Variants in LOC128706666 observed in about 807,000 individuals in gnomAD.
the LOC128706666 span, among the ~76,000 whole-genome samples, chr20:10,429,307 G>C: frequency 6.6e-6 from 1 of 152,012 alleles, no homozygotes; most frequent in African/African-American, 2.4e-5. Flanking sequence ...TTCCTTCTTA[G>C]TCTCCTTTAA....
chr20:10,419,607 A>G, the LOC128706666 span, among the ~76,000 whole-genome samples: 4 of 152,192 alleles, frequency 2.6e-5, no homozygotes, highest in African/African-American at 7.2e-5. Flanking sequence ...GATAAAGTTC[A>G]ATTTATAAAT....
At chr20:10,433,589 T>C in the LOC128706666 span, among the ~76,000 whole-genome samples, 16 of 152,274 alleles carry the variant, frequency 1.1e-4, no homozygotes, top group Non-Finnish European at 1.8e-4. Context: ...AGCATGACCT[T>C]AGAGGGTCAT....
At chr20:10,416,678 C>T in the LOC128706666 span, among the ~76,000 whole-genome samples, 6 of 152,238 alleles carry the variant, frequency 3.9e-5, no homozygotes, top group South Asian at 6.2e-4. Context: ...GAATAGTTGA[C>T]GATGGAAAGT....
chr20:10,427,295 G>A, the LOC128706666 span, among the ~76,000 whole-genome samples: 1 of 152,152 alleles, frequency 6.6e-6, no homozygotes, highest in African/African-American at 2.4e-5. Context: ...GGCGCCATCT[G>A]CTGGCCTTTT....
At chr20:10,427,712 T>C in the LOC128706666 span, among the ~76,000 whole-genome samples, 1 of 152,230 alleles carries the variant, frequency 6.6e-6, no homozygotes, top group Non-Finnish European at 1.5e-5. Context: ...ATCGTTTTCC[T>C]TTTTCTTTTC....
At chr20:10,428,572 C>G in the LOC128706666 span, among the ~76,000 whole-genome samples, 2 of 152,210 alleles carry the variant, frequency 1.3e-5, no homozygotes, top group East Asian at 3.8e-4. Context: ...GGCGCGGTGG[C>G]TCACGCCTCT....
the LOC128706666 span, among the ~76,000 whole-genome samples, chr20:10,418,427 T>C: frequency 6.6e-6 from 1 of 152,144 alleles, no homozygotes; most frequent in Non-Finnish European, 1.5e-5. Context: ...AAAATAAGAA[T>C]AGAAAATAAG....
the LOC128706666 span, among the ~76,000 whole-genome samples, chr20:10,427,088 G>A: frequency 1.3e-4 from 13 of 102,226 alleles, no homozygotes; most frequent in Admixed American, 3.8e-4. Context: ...ACAAAGTAAG[G>A]TTAAGGGCAA....
At chr20:10,430,323 T>A in the LOC128706666 span, among the ~76,000 whole-genome samples, 1 of 152,214 alleles carries the variant, frequency 6.6e-6, no homozygotes, top group South Asian at 2.1e-4. Flanking sequence ...CTTGGATTAG[T>A]CACTTAATCT....
the LOC128706666 span, among the ~76,000 whole-genome samples, chr20:10,430,040 A>G: frequency 2.0e-5 from 3 of 151,946 alleles, no homozygotes; most frequent in Admixed American, 2.0e-4. Flanking sequence ...ACAAAAAACA[A>G]AAAAACAAAA....
the LOC128706666 span, among the ~76,000 whole-genome samples, chr20:10,433,773 G>A: frequency 6.6e-6 from 1 of 152,144 alleles, no homozygotes; most frequent in Non-Finnish European, 1.5e-5. Flanking sequence ...CCCAGCGAGG[G>A]AGGGGACGGG....
chr20:10,414,559 C>T, the LOC128706666 span, among the ~76,000 whole-genome samples: 6 of 152,150 alleles, frequency 3.9e-5, no homozygotes, highest in East Asian at 5.8e-4. Context: ...GCCACTGTGC[C>T]CGGCAAGTCT....
the LOC128706666 span, among the ~76,000 whole-genome samples, chr20:10,426,522 C>T: frequency 6.6e-6 from 1 of 152,180 alleles, no homozygotes; most frequent in Admixed American, 6.5e-5. Context: ...ACCTCAGCCT[C>T]CCAGGTAGCT....
the LOC128706666 span, among the ~76,000 whole-genome samples, chr20:10,433,363 G>A: frequency 6.6e-6 from 1 of 152,344 alleles, no homozygotes; most frequent in South Asian, 2.1e-4. Flanking sequence ...CTCATGGATA[G>A]GGAGCGTATT....
the LOC128706666 span, among the ~76,000 whole-genome samples, chr20:10,422,659 A>C: frequency 6.6e-6 from 1 of 152,118 alleles, no homozygotes; most frequent in African/African-American, 2.4e-5. Context: ...TCAATACTTA[A>C]GGTGACTTTG....
chr20:10,416,944 C>T, the LOC128706666 span, among the ~76,000 whole-genome samples: 2 of 152,098 alleles, frequency 1.3e-5, no homozygotes, highest in East Asian at 3.9e-4. Flanking sequence ...ATATGATCTG[C>T]AAAGCCTAAA....
At chr20:10,420,948 A>G in the LOC128706666 span, among the ~76,000 whole-genome samples, 1 of 152,346 alleles carries the variant, frequency 6.6e-6, no homozygotes, top group South Asian at 2.1e-4. Flanking sequence ...GGGAGCAGGC[A>G]GTCAGCCTTG....
At chr20:10,432,692 G>A in the LOC128706666 span, among the ~76,000 whole-genome samples, 2 of 149,316 alleles carry the variant, frequency 1.3e-5, no homozygotes, top group Non-Finnish European at 3.0e-5. Context: ...CTTCTCCGGA[G>A]GCTAAGGCAG....
At chr20:10,427,029 G>GACACACACACACACAC in the LOC128706666 span, among the ~76,000 whole-genome samples, 1,298 of 130,714 alleles carry the variant, frequency 9.9e-3, 25 homozygotes, top group Non-Finnish European at 0.012. Flanking sequence ...AGAAAACACT[G>GACACACACACACACAC]ACACACACAC....
Sources: allele counts gnomAD v4.1 joint callset (sites outside exome capture counted in the v4.1 genomes callset), GRCh38; gene constraint gnomAD v4.1.1; transcripts MANE v1.5.